TMEM132B: variants seen among roughly 807,000 people sequenced by gnomAD.
TMEM132B encodes the protein transmembrane protein 132B.
In TMEM132B, 18 loss-of-function variants were observed where a neutral mutation model predicts 90.8. The observed-to-expected ratio is 0.20, with a 90% CI of 0.14 to 0.29. The LOEUF (loss-of-function observed/expected upper bound fraction) is 0.29. TMEM132B is among the 10% of genes least tolerant of loss of function. The probability of loss-of-function intolerance (pLI) is 1.00; values close to 1 mark genes in which losing one functional copy is unlikely to be tolerated. For synonymous variants in TMEM132B, 504 were observed against 523.3 expected (o/e 0.96, Z 0.50); for missense variants, 1,096 against 1,326.8 (o/e 0.83, Z 2.70).
intron 1 of TMEM132B, among the ~76,000 whole-genome samples, chr12:125,336,077 C>T (rs1218393536): frequency 2.6e-5 from 4 of 152,218 alleles, no homozygotes; most frequent in East Asian, 3.8e-4. Flanking sequence ...GTGTAAGCAT[C>T]GGCACGGTCA....
intron 3 of TMEM132B, among the ~76,000 whole-genome samples, chr12:125,505,034 C>A (rs1201413783): frequency 1.3e-5 from 2 of 151,824 alleles, no homozygotes; most frequent in Non-Finnish European, 1.5e-5. Context: ...AAAAAAGTAA[C>A]AACATGATTC....
In TMEM132B at chr12:125,662,365, G is replaced by A. The variant is rs1887222486; in HGVS notation, c.*7655G>A. On this transcript the variant is annotated 3_prime_UTR_variant, in exon 9 of 9. Coordinates refer to ENST00000682704, the MANE Select transcript of TMEM132B (RefSeq NM_001366854.1). ...GAAAACGAAGAAATAAAACATGTTG[G>A]ATGATTCCTTGTTATAGTAAAACAA... 6.6e-6 allele frequency: 1 copy of A among 152,172 alleles called. No homozygotes were observed. The highest frequency in any genetic ancestry group is 2.4e-5 in the African/African-American group (1 of 41,446). 9.4% of individuals were successfully genotyped at this position (152,172 alleles called of 1,614,324 possible).
At chr12:125,424,788 G>T (rs1233085123) in intron 3 of TMEM132B, among the ~76,000 whole-genome samples, 1 of 152,100 alleles carries the variant, frequency 6.6e-6, no homozygotes, top group Non-Finnish European at 1.5e-5. Flanking sequence ...CCGTATGGAG[G>T]GGGACTCAAT....
chr12:125,464,314 A>G (rs75052078), intron 3 of TMEM132B, among the ~76,000 whole-genome samples: 2,504 of 152,244 alleles, frequency 0.016, 80 homozygotes, highest in African/African-American at 0.058. Context: ...AGAATGCCAC[A>G]TGTCTTCTTG....
chr12:125,303,644 A>C (rs1249466028), intron 1 of TMEM132B, among the ~76,000 whole-genome samples: 1 of 152,200 alleles, frequency 6.6e-6, no homozygotes, highest in African/African-American at 2.4e-5. Flanking sequence ...ATTTTCCCAG[A>C]CATTATTTTC....
intron 3 of TMEM132B, among the ~76,000 whole-genome samples, chr12:125,463,465 A>T (rs1256917688): frequency 6.6e-6 from 1 of 152,114 alleles, no homozygotes; most frequent in South Asian, 2.1e-4. Flanking sequence ...CACATTTTTC[A>T]TTTATAAAAT....
intron 4 of TMEM132B, among the ~76,000 whole-genome samples, chr12:125,521,016 G>A (rs1592971765): frequency 6.6e-6 from 1 of 152,320 alleles, no homozygotes; most frequent in Non-Finnish European, 1.5e-5. Flanking sequence ...GATGGGTGTG[G>A]GTTTTAAGGT....
chr12:125,322,246 G>C (rs751573544), intron 1 of TMEM132B, among the ~76,000 whole-genome samples: 34 of 152,302 alleles, frequency 2.2e-4, no homozygotes, highest in South Asian at 6.2e-4. Flanking sequence ...ATAAAGGGCA[G>C]TTCCCCTGCA....
At chr12:125,231,785 A>G (rs1873829947) in intron 1 of TMEM132B, among the ~76,000 whole-genome samples, 1 of 152,156 alleles carries the variant, frequency 6.6e-6, no homozygotes, top group African/African-American at 2.4e-5. Context: ...CCAAAGGCTT[A>G]CAATCTTTGT....
chr12:125,266,846 T>C (rs1436148733), intron 1 of TMEM132B, among the ~76,000 whole-genome samples: 2 of 152,246 alleles, frequency 1.3e-5, no homozygotes, highest in African/African-American at 2.4e-5. Flanking sequence ...GTTTTCTGAC[T>C]GCCTTGAAGT....
chr12:125,328,700 C>T (rs1308608407), intron 1 of TMEM132B, among the ~76,000 whole-genome samples: 1 of 152,220 alleles, frequency 6.6e-6, no homozygotes, highest in Admixed American at 6.5e-5. Context: ...GACCTGCTTA[C>T]ATCATCAAAG....
Position 125,415,608 on chromosome 12 carries a change from T to C in TMEM132B, c.1037T>C (p.Ile346Thr), listed in dbSNP as rs764030547. 3.1e-6 allele frequency: 5 copies of C among 1,613,856 alleles called. No individual in the cohort carries two copies. Among genetic ancestry groups the C allele is most frequent in the Admixed American group, 1.7e-5 (1 of 59,994 alleles). ...SEDQWAVQEE[I>T]DNGSTQTSAT... ...GACCAATGGGCAGTCCAGGAGGAAATTGATAATGGCAGCACTCAGACGTCG... is the reference window on the plus strand; with the variant it reads ...GACCAATGGGCAGTCCAGGAGGAAACTGATAATGGCAGCACTCAGACGTCG... The change falls in exon 3 of 9, where the codon ATT becomes ACT. Residue 346 changes from isoleucine to threonine, a missense_variant. Physicochemically the swap from Ile to Thr is moderately conservative, Grantham distance 89. Coordinates refer to ENST00000682704, the MANE Select transcript of TMEM132B (RefSeq NM_001366854.1). This position sits in a 1 kb window ranked among gnomAD's most constrained non-coding sequence, Gnocchi z 5.3.
chr12:125,618,076 C>G (rs1204551678), intron 5 of TMEM132B, among the ~76,000 whole-genome samples: 1 of 152,048 alleles, frequency 6.6e-6, no homozygotes, highest in Non-Finnish European at 1.5e-5. Context: ...TTCTTATGAC[C>G]TGCTCCTCTT....
In TMEM132B at chr12:125,398,179, T is replaced by G. The variant is rs556718990; in HGVS notation, c.960-17352T>G. Among the ~76,000 whole-genome samples the G allele has an allele frequency of 3.3e-5, 5 of 152,284 alleles. No individual in the cohort carries two copies. The East Asian group carries it at 9.6e-4, about 29-fold the overall frequency. ...GGCATTGGATGTGGGATGAGACTTT[T>G]CTGTGCACTGCAGGGCATTTAGCAT... On this transcript the variant is annotated intron_variant, in intron 2 of 8. Coordinates refer to ENST00000682704, the MANE Select transcript of TMEM132B (RefSeq NM_001366854.1).
In TMEM132B at chr12:125,495,808, C is replaced by G. The variant is rs372693477; in HGVS notation, c.1107-23631C>G. Among the ~76,000 whole-genome samples the G allele has an allele frequency of 1.7e-3, 262 of 152,306 alleles. 2 individuals carry two copies. The highest frequency in any genetic ancestry group is 6.1e-3 in the African/African-American group (254 of 41,574). Reference sequence around the variant, plus strand: ...GACCATCCCTGTGATATCACAAATGCACTGGGATTAGTACATTTGGAATGA... The same window carrying G: ...GACCATCCCTGTGATATCACAAATGGACTGGGATTAGTACATTTGGAATGA... On this transcript the variant is annotated intron_variant, in intron 3 of 8. Coordinates refer to ENST00000682704, the MANE Select transcript of TMEM132B (RefSeq NM_001366854.1).
Position 125,476,545 on chromosome 12 carries a change from G to A in TMEM132B, c.1107-42894G>A, listed in dbSNP as rs545855180. 2.6e-5 allele frequency among the ~76,000 whole-genome samples: 4 copies of A among 152,256 alleles called. No individual in the cohort carries two copies. In the South Asian group the frequency reaches 8.3e-4, roughly 32 times the overall value. On this transcript the variant is annotated intron_variant, in intron 3 of 8. Coordinates refer to ENST00000682704, the MANE Select transcript of TMEM132B (RefSeq NM_001366854.1). ...TTGTTTATCCATTACTGTATCAATG[G>A]ACACTTGGGTTGTCTCTACCTCTTA...
chr12:125,640,854 A>G (rs1406661469), intron 5 of TMEM132B, among the ~76,000 whole-genome samples: 2 of 151,998 alleles, frequency 1.3e-5, no homozygotes, highest in Non-Finnish European at 2.9e-5. Flanking sequence ...TCTTGTTCTC[A>G]TTATTTGAGA....
At chr12:125,627,137 C>A (rs557577829) in intron 5 of TMEM132B, among the ~76,000 whole-genome samples, 1 of 152,158 alleles carries the variant, frequency 6.6e-6, no homozygotes, top group South Asian at 2.1e-4. Context: ...CTAGAATTTC[C>A]ATTTTATTAT....
chr12:125,537,488 C>A (rs1444059337), intron 4 of TMEM132B, among the ~76,000 whole-genome samples: 1 of 152,152 alleles, frequency 6.6e-6, no homozygotes, highest in African/African-American at 2.4e-5. Flanking sequence ...TGGTCTGTGG[C>A]CTTCTAAGTC....
Sources: allele counts gnomAD v4.1 joint callset (sites outside exome capture counted in the v4.1 genomes callset), GRCh38; gene constraint gnomAD v4.1.1; non-coding constraint Gnocchi (gnomAD v3.1); transcripts MANE v1.5; gene names NCBI Gene and HGNC (gene_info 2026-07-23, HGNC 2026-07-21).